Variants in TEX9 observed in about 807,000 individuals in gnomAD.
TEX9 encodes testis-expressed protein 9.
In TEX9, 74 loss-of-function variants were observed where a neutral mutation model predicts 59.6. The observed-to-expected ratio is 1.24, with a 90% CI of 1.03 to 1.51. The LOEUF is 1.51. Among genes scored for constraint, TEX9 ranks in the 40% most tolerant of loss-of-function variants. TEX9 has a pLI of 0.00. For synonymous variants in TEX9, 186 were observed against 152.2 expected, an observed-to-expected ratio of 1.22 and a Z score of -1.64; for missense variants, 522 against 447.8, an observed-to-expected ratio of 1.17 and a Z score of -1.49.
intron 12 of TEX9, chr15:56,431,619 C>A (rs1414455419): frequency 4.9e-6 from 4 of 811,004 alleles, no homozygotes; most frequent in African/African-American, 3.6e-5. Flanking sequence ...ACACTAAGTT[C>A]AAAAGATTCT....
intron 11 of TEX9, among the ~76,000 whole-genome samples, chr15:56,428,119 T>C (rs557191041): frequency 2.0e-5 from 3 of 152,094 alleles, no homozygotes; most frequent in Non-Finnish European, 4.4e-5. Flanking sequence ...TCTGACACTT[T>C]CCTTCTTTGC....
At chr15:56,386,789 G>C (rs1335140249) in intron 4 of TEX9, among the ~76,000 whole-genome samples, 1 of 151,854 alleles carries the variant, frequency 6.6e-6, no homozygotes, top group Non-Finnish European at 1.5e-5. Context: ...ATGTTGTGAT[G>C]ATGACGCTCT....
intron 2 of TEX9, among the ~76,000 whole-genome samples, chr15:56,369,413 G>A (rs2047090109): frequency 6.6e-6 from 1 of 151,568 alleles, no homozygotes; most frequent in Non-Finnish European, 1.5e-5. Flanking sequence ...GAGTGCAATG[G>A]TGTGATCTCA....
At chr15:56,425,926 G>A (rs1016045528) in intron 10 of TEX9, among the ~76,000 whole-genome samples, 30 of 152,266 alleles carry the variant, frequency 2.0e-4, no homozygotes, top group African/African-American at 7.2e-4. Flanking sequence ...CTGGGGTTGT[G>A]TCTTTCCTGG....
intron 1 of TEX9, among the ~76,000 whole-genome samples, chr15:56,283,921 T>C (rs191274732): frequency 6.6e-6 from 1 of 152,236 alleles, no homozygotes; most frequent in East Asian, 1.9e-4. Context: ...CCAGCAAATA[T>C]GGGAAATGTC....
At chr15:56,348,854 A>G (rs1336376014) in intron 1 of TEX9, among the ~76,000 whole-genome samples, 1 of 151,974 alleles carries the variant, frequency 6.6e-6, no homozygotes, top group East Asian at 1.9e-4. Flanking sequence ...GATTTTTACA[A>G]TAACTCATAT....
chr15:56,339,464 C>G (rs1032832850), intron 1 of TEX9, among the ~76,000 whole-genome samples: 8 of 145,630 alleles, frequency 5.5e-5, no homozygotes, highest in Non-Finnish European at 1.0e-4. Flanking sequence ...GTACTGTTTT[C>G]CATCCCATGT....
At chr15:56,444,006 A>T in intron 12 of TEX9, 1 of 647,922 alleles carries the variant, frequency 1.5e-6, no homozygotes, top group South Asian at 2.5e-5. Flanking sequence ...TGCTAAATAT[A>T]ATGTCAGGTA....
chr15:56,293,580 C>G (rs1321397870), intron 1 of TEX9, among the ~76,000 whole-genome samples: 1 of 152,104 alleles, frequency 6.6e-6, no homozygotes, highest in African/African-American at 2.4e-5. Flanking sequence ...GTTTGGCCAC[C>G]ACATGGCCTA....
At chr15:56,270,362 A>G (rs1377464954) in intron 1 of TEX9, among the ~76,000 whole-genome samples, 1 of 152,148 alleles carries the variant, frequency 6.6e-6, no homozygotes, top group Non-Finnish European at 1.5e-5. Flanking sequence ...TAGGATAGTT[A>G]GCTCTTCTTG....
chr15:56,295,171 G>A (rs2045189227), intron 1 of TEX9, among the ~76,000 whole-genome samples: 1 of 152,138 alleles, frequency 6.6e-6, no homozygotes. Context: ...CTTATTAGCT[G>A]AAGGACTGGG....
intron 2 of TEX9, among the ~76,000 whole-genome samples, chr15:56,368,240 C>A (rs541075373): frequency 6.6e-6 from 1 of 152,102 alleles, no homozygotes; most frequent in African/African-American, 2.4e-5. Context: ...TTGGTATGTT[C>A]TTTTTCCCTC....
At chr15:56,252,096 C>T (rs145220480) in intron 1 of TEX9, among the ~76,000 whole-genome samples, 1 of 152,244 alleles carries the variant, frequency 6.6e-6, no homozygotes, top group Non-Finnish European at 1.5e-5. Flanking sequence ...TTCCCTTATC[C>T]ATTCCCTACC....
intron 12 of TEX9, among the ~76,000 whole-genome samples, chr15:56,432,131 A>G (rs1399239671): frequency 2.0e-5 from 3 of 152,284 alleles, no homozygotes; most frequent in Non-Finnish European, 2.9e-5. Flanking sequence ...AGATACAGGA[A>G]AGTTCTGTAA....
chr15:56,350,341 T>C (rs1241834117), intron 1 of TEX9, among the ~76,000 whole-genome samples: 6 of 152,212 alleles, frequency 3.9e-5, no homozygotes, highest in Non-Finnish European at 7.3e-5. Context: ...ACCTTTGGCC[T>C]GTTAATGATA....
the TEX9 span, among the ~76,000 whole-genome samples, chr15:56,457,050 A>G: frequency 6.6e-6 from 1 of 152,202 alleles, no homozygotes; most frequent in East Asian, 1.9e-4. Context: ...GTTTGCTTAA[A>G]TCAAAATCCA....
intron 9 of TEX9, among the ~76,000 whole-genome samples, chr15:56,401,317 A>C (rs1461838745): frequency 6.7e-5 from 10 of 148,926 alleles, no homozygotes; most frequent in Non-Finnish European, 1.2e-4. Context: ...GCAAAAAAAA[A>C]AAAAAAAAAA....
At chr15:56,267,282 G>A (rs1596053325) in intron 1 of TEX9, among the ~76,000 whole-genome samples, 1 of 152,300 alleles carries the variant, frequency 6.6e-6, no homozygotes, top group Admixed American at 6.5e-5. Flanking sequence ...TAGGTTGCCT[G>A]TTCACTCTGA....
At chr15:56,270,319 T>C (rs1446997392) in intron 1 of TEX9, among the ~76,000 whole-genome samples, 1 of 152,218 alleles carries the variant, frequency 6.6e-6, no homozygotes, top group Admixed American at 6.5e-5. Context: ...GCTTTATGAA[T>C]CTGGGTGCTC....
Sources: allele counts gnomAD v4.1 joint callset (sites outside exome capture counted in the v4.1 genomes callset), GRCh38; gene constraint gnomAD v4.1.1; transcripts MANE v1.5; gene names NCBI Gene and HGNC (gene_info 2026-07-23, HGNC 2026-07-21).